Variants in SYTL5 observed in about 807,000 individuals in gnomAD.
SYTL5 encodes synaptotagmin-like protein 5.
A neutral mutation model predicts 55.9 loss-of-function variants in SYTL5; 34 were observed. That is an observed-to-expected ratio of 0.61 (90% CI 0.46 to 0.81). The LOEUF (loss-of-function observed/expected upper bound fraction) is 0.81, where lower values mean the gene tolerates loss of function less well. Among genes scored for constraint, SYTL5 ranks in the 30% least tolerant of loss-of-function variants. The pLI is 0.00. For missense variants in SYTL5, 637 were observed against 546.7 expected, an observed-to-expected ratio of 1.17 and a Z score of -1.65; for synonymous variants, 221 against 188.7, an observed-to-expected ratio of 1.17 and a Z score of -1.40.
chrX:37,968,485 A>T, the SYTL5 span, among the ~76,000 whole-genome samples: 1 of 111,415 alleles, frequency 9.0e-6, no homozygotes, highest in African/African-American at 3.3e-5. Flanking sequence ...AGGCTTCTTA[A>T]ATAGTCCTAT....
At chrX:38,055,747 C>T (rs1396986341) in intron 3 of SYTL5, among the ~76,000 whole-genome samples, 1 of 111,844 alleles carries the variant, frequency 8.9e-6, no homozygotes, top group Non-Finnish European at 1.9e-5. Context: ...ATGTTATGTT[C>T]CCTGTACTGT....
chrX:37,944,931 A>G, the SYTL5 span, among the ~76,000 whole-genome samples: 1 of 112,570 alleles, frequency 8.9e-6, no homozygotes, highest in Non-Finnish European at 1.9e-5. Context: ...AACCCAAATT[A>G]AACTAACTTC....
At chrX:38,121,945 T>C in intron 14 of SYTL5, 135 bp from the exon 15 acceptor site, 1 of 587,183 alleles carries the variant, frequency 1.7e-6, no homozygotes. Flanking sequence ...TATACAATAA[T>C]GTAAAGGCCC....
chrX:37,893,649 T>TATATATAATTA, the SYTL5 span, among the ~76,000 whole-genome samples: 4 of 67,967 alleles, frequency 5.9e-5, no homozygotes, highest in African/African-American at 4.8e-4. Context: ...TTATATATAA[T>TATATATAATTA]TATATATAAA....
At chrX:37,938,198 G>C in the SYTL5 span, among the ~76,000 whole-genome samples, 4 of 112,133 alleles carry the variant, frequency 3.6e-5, no homozygotes, top group Admixed American at 3.8e-4. Context: ...AAAATGAATA[G>C]AGAAACTTAT....
the SYTL5 span, among the ~76,000 whole-genome samples, chrX:37,965,719 T>C: frequency 3.6e-5 from 4 of 112,447 alleles, no homozygotes; most frequent in Admixed American, 3.8e-4. Context: ...AATCGCCTAC[T>C]ATTATTGTAT....
intron 1 of SYTL5, among the ~76,000 whole-genome samples, chrX:38,007,771 C>T (rs982373786): frequency 9.0e-6 from 1 of 111,400 alleles, no homozygotes; most frequent in Admixed American, 9.5e-5. Flanking sequence ...GTCCTTGCAT[C>T]CCTCAGTATA....
chrX:38,037,109 A>G (rs773615867), intron 2 of SYTL5, among the ~76,000 whole-genome samples: 1 of 111,908 alleles, frequency 8.9e-6, no homozygotes, highest in South Asian at 3.8e-4. Flanking sequence ...CCATAGGATT[A>G]AAGAGACACA....
At chrX:38,031,494 G>C (rs1016521248) in intron 1 of SYTL5, among the ~76,000 whole-genome samples, 2 of 111,748 alleles carry the variant, frequency 1.8e-5, no homozygotes, top group African/African-American at 6.5e-5. Context: ...CCAAGGCAGG[G>C]ATAGCTATAA....
chrX:38,087,225 G>A (rs1422290124), intron 6 of SYTL5, among the ~76,000 whole-genome samples: 1 of 111,437 alleles, frequency 9.0e-6, no homozygotes, highest in African/African-American at 3.3e-5. Flanking sequence ...TGAAACAGTA[G>A]GGAGACATAT....
At chrX:38,097,462 G>T (rs1240816658) in intron 9 of SYTL5, among the ~76,000 whole-genome samples, 2 of 110,290 alleles carry the variant, frequency 1.8e-5, no homozygotes, top group Non-Finnish European at 3.8e-5. Flanking sequence ...ATTCATAATA[G>T]CATGAAAAAT....
At chrX:37,890,263 C>T in the SYTL5 span, among the ~76,000 whole-genome samples, 6 of 111,392 alleles carry the variant, frequency 5.4e-5, no homozygotes, top group African/African-American at 2.0e-4. Flanking sequence ...TAAAGGTAAT[C>T]ACTCCAGCAC....
chrX:37,917,487 T>C, the SYTL5 span, among the ~76,000 whole-genome samples: 4 of 112,144 alleles, frequency 3.6e-5, no homozygotes, highest in Non-Finnish European at 5.6e-5. Context: ...CTATAGTTCC[T>C]AAGCACAGAA....
At chrX:38,021,622 C>T (rs951578819) in intron 1 of SYTL5, among the ~76,000 whole-genome samples, 1 of 112,327 alleles carries the variant, frequency 8.9e-6, no homozygotes, top group African/African-American at 3.2e-5. Flanking sequence ...CTCTTGTAGG[C>T]AGATGGCAGG....
chrX:38,060,182 T>C (rs1168409612), intron 3 of SYTL5, among the ~76,000 whole-genome samples: 2 of 112,142 alleles, frequency 1.8e-5, no homozygotes, highest in Non-Finnish European at 3.8e-5. Flanking sequence ...TCACACATTT[T>C]GCCATCAACT....
chrX:38,108,980 A>C (rs1201945339), intron 12 of SYTL5, among the ~76,000 whole-genome samples: 1 of 112,446 alleles, frequency 8.9e-6, no homozygotes, highest in Non-Finnish European at 1.9e-5. Context: ...TTGCTAAAAA[A>C]TCGGTTTTAC....
intron 5 of SYTL5, 48 bp downstream of exon 5, chrX:38,073,746 C>A: frequency 3.3e-6 from 3 of 912,545 alleles, no homozygotes; most frequent in African/African-American, 2.0e-5. Context: ...ATTCCAGACA[C>A]CTCTGAAATG....
chrX:37,981,524 T>G, the SYTL5 span, among the ~76,000 whole-genome samples: 2 of 110,764 alleles, frequency 1.8e-5, no homozygotes, highest in Non-Finnish European at 3.8e-5. Context: ...CTCAAACTCC[T>G]GAGCTCAAAC....
chrX:37,982,163 T>C, the SYTL5 span, among the ~76,000 whole-genome samples: 1 of 111,814 alleles, frequency 8.9e-6, no homozygotes, highest in Non-Finnish European at 1.9e-5. Flanking sequence ...ATGGAAACTG[T>C]GATTAAAGAA....
Sources: gnomAD v4.1 joint callset for allele counts (sites outside exome capture counted in the v4.1 genomes callset) on GRCh38, gnomAD v4.1.1 for gene constraint, MANE v1.5 for transcripts, NCBI Gene and HGNC (gene_info 2026-07-23, HGNC 2026-07-21) for gene names.